KIF19: variants seen among roughly 807,000 people sequenced by gnomAD.
KIF19 encodes the protein kinesin family member 19, also known as kinesin-like protein KIF19.
Under a neutral mutation model 106.6 loss-of-function variants are expected in KIF19, and 98 were observed. The ratio of observed to expected loss-of-function variants is 0.92; its 90% CI spans 0.78 to 1.09. KIF19 has a LOEUF of 1.09. Ranked by LOEUF, KIF19 falls within the 50% of genes least tolerant of loss-of-function variation. The pLI is 0.00. For synonymous variants in KIF19, 516 were observed against 584.2 expected (o/e 0.88, Z 1.68); for missense variants, 1,373 against 1,414.3 (o/e 0.97, Z 0.47).
rs1394144337 is a variant in KIF19, at chr17:74,349,276, C to T, written c.1140C>T (p.Arg380=). Residue 380 remains arginine (R), a synonymous_variant, in exon 10 of 20, where the codon CGC becomes CGT. Coordinates refer to ENST00000389916, the MANE Select transcript of KIF19 (RefSeq NM_153209.4). ...DLRGEIQRLK[R]KIDEQTGRGQ... ...GGGGCGAGATCCAGCGACTCAAGCG[C>T]AAGATTGATGAGCAGACTGGGCGGG... 1.9e-5 allele frequency: 30 copies of T among 1,613,214 alleles called. No homozygotes were observed. The highest frequency in any genetic ancestry group is 2.5e-5 in the Non-Finnish European group (29 of 1,179,756).
rs139261757 is a variant in KIF19 at position 74,341,936 on chromosome 17, C to T, written c.181C>T (p.Arg61Trp). 1.3e-5 allele frequency: 21 copies of T among 1,613,480 alleles called. No individual in the cohort carries two copies. The highest frequency in any genetic ancestry group is 9.3e-5 in the African/African-American group (7 of 74,892). Residue 61 changes from arginine (R) to tryptophan (W), a missense_variant, in exon 3 of 20, where the codon CGG becomes TGG. Transcript: ENST00000389916. ...CGACATCCTGCGGGCGCATCGCTCCCGGGAGAAGTCCTACCTGTTCGACGT... is the reference window on the plus strand; with the variant it reads ...CGACATCCTGCGGGCGCATCGCTCCTGGGAGAAGTCCTACCTGTTCGACGT... The part of the protein sequence containing the change: ...PDDILRAHRS[R>W]EKSYLFDVAF...
At chr17:74,348,383 C>T (rs1033792195) in intron 9 of KIF19, among the ~76,000 whole-genome samples, 6 of 152,332 alleles carry the variant, frequency 3.9e-5, no homozygotes, top group East Asian at 1.9e-4. Flanking sequence ...CCAGTGATGG[C>T]GCTGAGGATG....
In KIF19 at chr17:74,344,951, C is replaced by T. The variant is rs748179750; in HGVS notation, c.773C>T (p.Ser258Leu). The T allele has an allele frequency of 1.7e-5, 28 of 1,600,600 alleles. No homozygotes were observed. Among genetic ancestry groups the T allele is most frequent in the Non-Finnish European group, 2.3e-5 (27 of 1,176,044 alleles). ...GACCTGGCTGGCTCAGAGCGCGCCT[C>T]GCAGGTGAGGCTGGGACCTGGGCTG... ...MIDLAGSERASQTQNRGQRMK... is the reference protein window; with the variant it reads ...MIDLAGSERALQTQNRGQRMK... The change falls in exon 7 of 20, where the codon TCG becomes TTG. Residue 258 changes from serine (S) to leucine (L), a missense_variant. Coordinates refer to ENST00000389916, the MANE Select transcript of KIF19 (RefSeq NM_153209.4).
At chr17:74,343,969 G>T (rs1424332043) in intron 5 of KIF19, among the ~76,000 whole-genome samples, 2 of 152,172 alleles carry the variant, frequency 1.3e-5, no homozygotes, top group Admixed American at 1.3e-4. Context: ...CTGGAAAGGG[G>T]TGCTCCTTGG....
chr17:74,349,793 C>T (rs994136302), intron 10 of KIF19, among the ~76,000 whole-genome samples: 4 of 130,336 alleles, frequency 3.1e-5, no homozygotes, highest in African/African-American at 1.3e-4. Flanking sequence ...GAGAGGCAGA[C>T]AGTAAAGATT....
intron 2 of KIF19, among the ~76,000 whole-genome samples, chr17:74,332,506 C>G (rs899039940): frequency 2.6e-5 from 4 of 152,134 alleles, no homozygotes; most frequent in African/African-American, 9.7e-5. Flanking sequence ...CTCCTCCTAG[C>G]TCTCCCAGGC....
At chr17:74,349,586 G>T (rs562677226) in intron 10 of KIF19, among the ~76,000 whole-genome samples, 2 of 152,348 alleles carry the variant, frequency 1.3e-5, no homozygotes, top group Non-Finnish European at 2.9e-5. Flanking sequence ...TGGAAGAGTA[G>T]GTGGGATCCC....
chr17:74,353,466 TC>T, intron 16 of KIF19, 27 bp from the exon 17 acceptor site: 1 of 1,605,670 alleles, frequency 6.2e-7, no homozygotes. Context: ...TTTAAGGGTT[TC>T]CTCCTCCCAA....
intron 2 of KIF19, among the ~76,000 whole-genome samples, chr17:74,332,210 T>TTGTGTGTGTG (rs71157056): frequency 1.1e-4 from 12 of 108,850 alleles, no homozygotes; most frequent in African/African-American, 3.9e-4. Flanking sequence ...GTGTGTGTGT[T>TTGTGTGTGTG]TGTGTGTGTG....
At chr17:74,352,710 G>T (rs2144298384) in intron 14 of KIF19, 111 bp from the exon 15 acceptor site, 1 of 1,369,984 alleles carries the variant, frequency 7.3e-7, no homozygotes, top group African/African-American at 1.4e-5. Flanking sequence ...CCCTTCTGGG[G>T]CTCCCAGGCC....
At chr17:74,336,710 A>G (rs1111596) in intron 2 of KIF19, among the ~76,000 whole-genome samples, 139,616 of 152,328 alleles carry the variant, frequency 0.92, 64,027 homozygotes, top group East Asian at 0.97. Flanking sequence ...GAGACCCACA[A>G]CTCTGAATCT....
Position 74,328,109 on chromosome 17 carries a change from G to T in KIF19, c.40-316G>T, listed in dbSNP as rs560403344. On this transcript the variant is annotated intron_variant, in intron 1 of 19. Coordinates refer to ENST00000389916, the MANE Select transcript of KIF19 (RefSeq NM_153209.4). ...GGAAACACAGAGAGGCTGCTCCAGTGCCAGGGCCCCAAGTTCAAGCCCAGG... is the reference window on the plus strand; with the variant it reads ...GGAAACACAGAGAGGCTGCTCCAGTTCCAGGGCCCCAAGTTCAAGCCCAGG... Among the ~76,000 whole-genome samples the T allele has an allele frequency of 6.6e-5, 10 of 152,284 alleles. No homozygotes were observed. In the East Asian group the frequency reaches 1.9e-3, roughly 29 times the overall value.
chr17:74,326,292 G>C lies in KIF19; in HGVS notation c.-58G>C, dbSNP rs1414130625. On this transcript the variant is annotated 5_prime_UTR_variant, in exon 1 of 20. Coordinates refer to ENST00000389916, the MANE Select transcript of KIF19 (RefSeq NM_153209.4). ...TGGCGGACGCGACCCGGAGGCGGTG[G>C]GGGTGCGGCTGAGCCATGCCCGGTG... The C allele has an allele frequency of 1.9e-6, 3 of 1,539,402 alleles. No individual in the cohort carries two copies. Among genetic ancestry groups the C allele is most frequent in the East Asian group, 2.5e-5 (1 of 40,362 alleles).
chr17:74,337,996 C>T (rs1252940615), intron 2 of KIF19, among the ~76,000 whole-genome samples: 1 of 152,252 alleles, frequency 6.6e-6, no homozygotes, highest in Non-Finnish European at 1.5e-5. Context: ...GGGATCGTGG[C>T]AGCTGTGCTG....
In KIF19 at chr17:74,352,259, C is replaced by G. The variant is rs915806626; in HGVS notation, c.1899C>G (p.Tyr633Ter). The G allele has an allele frequency of 6.2e-7, 1 of 1,613,092 alleles. No individual in the cohort carries two copies. The stretch of plus-strand genomic sequence containing the variant: ...TCCCGCAGCGCCTGGAAGAGCTCTA[C>G]GAAGTGTACCTGCGGGAGCTGGAGG... ...LAVPQRLEEL[Y>*]EVYLRELEEG... Residue 633 changes from tyrosine to a stop codon, truncating the protein, a stop_gained, in exon 14 of 20, where the codon TAC becomes TAG. Transcript: ENST00000389916. LOFTEE classifies it high-confidence loss of function.
Position 74,346,597 on chromosome 17 carries a change from G to A in KIF19, c.924+73G>A. 1 of 1,418,574 alleles carries A rather than the reference G, an allele frequency of 7.0e-7. No individual in the cohort carries two copies. The highest frequency in any genetic ancestry group is 1.3e-5 in the South Asian group (1 of 76,560). The allele number at this position is 1,418,574 out of a possible 1,614,324, so 87.9% of individuals were successfully genotyped here. A position where few individuals can be genotyped will look rare whatever the true frequency, so the allele number is the denominator to read the frequency against. On this transcript the variant is annotated intron_variant, in intron 8 of 19. Coordinates refer to ENST00000389916, the MANE Select transcript of KIF19 (RefSeq NM_153209.4). The surrounding 1 kb of genome is among the most constrained non-coding windows in gnomAD (Gnocchi z 4.6). The stretch of plus-strand genomic sequence containing the variant: ...GCCAGATTAAACAAATGAAAATACA[G>A]GGCACCCAGCTAAATTCCAACCTCA...
Position 74,344,403 on chromosome 17 carries a change from G to A in KIF19, c.582+55G>A, listed in dbSNP as rs576574403. On this transcript the variant is annotated intron_variant, in intron 6 of 19. Coordinates refer to ENST00000389916, the MANE Select transcript of KIF19 (RefSeq NM_153209.4). ...CTGAGAGGAAGCTCACCGCCTGAGG[G>A]GCAGGAGGGGCGGGGACAGAAGCCA... 448 of 1,584,372 alleles carry A rather than the reference G, an allele frequency of 2.8e-4. 5 individuals carry two copies. In the South Asian group the frequency reaches 4.6e-3, roughly 16 times the overall value.
chr17:74,353,680 G>A, intron 17 of KIF19, 99 bp downstream of exon 17: 11 of 943,898 alleles, frequency 1.2e-5, no homozygotes, highest in Non-Finnish European at 1.7e-5. Context: ...GCACTGCCAA[G>A]TGCAACCAAG....
At chr17:74,343,399 G>A (rs1325450871) in intron 5 of KIF19, among the ~76,000 whole-genome samples, 2 of 152,268 alleles carry the variant, frequency 1.3e-5, no homozygotes, top group East Asian at 3.9e-4. Flanking sequence ...TCCGCCCTGT[G>A]CCACGCTCAC....
Sources: gnomAD v4.1 joint callset for allele counts (sites outside exome capture counted in the v4.1 genomes callset) on GRCh38, gnomAD v4.1.1 for gene constraint, Gnocchi (gnomAD v3.1) non-coding constraint, MANE v1.5 for transcripts, NCBI Gene and HGNC (gene_info 2026-07-23, HGNC 2026-07-21) for gene names.